Variants in DMD observed in about 807,000 individuals in gnomAD.
DMD encodes the protein dystrophin.
Under a neutral mutation model 330.1 loss-of-function variants are expected in DMD, and 63 were observed. The observed-to-expected ratio is 0.19, with a 90% CI of 0.16 to 0.24. DMD has a LOEUF of 0.24. Ranked by LOEUF, DMD falls within the 10% of genes least tolerant of loss-of-function variation. The pLI, the probability that DMD is intolerant of heterozygous loss-of-function variation, is 1.00. For missense variants in DMD, 3,344 were observed against 2,684.1 expected (o/e 1.25, Z -5.43); for synonymous variants, 1,223 against 959.8 (o/e 1.27, Z -5.07).
At chrX:31,702,636 T>C (rs998446637) in intron 52 of DMD, among the ~76,000 whole-genome samples, 6 of 111,149 alleles carry the variant, frequency 5.4e-5, no homozygotes, top group African/African-American at 2.0e-4. Context: ...GAACACAACC[T>C]TGTCTGTGCA....
intron 2 of DMD, among the ~76,000 whole-genome samples, chrX:32,912,098 G>A (rs1423632726): frequency 9.3e-6 from 1 of 107,971 alleles, no homozygotes; most frequent in Non-Finnish European, 1.9e-5. Flanking sequence ...AAGGAATGGG[G>A]AGGAGGAGGA....
At chrX:32,322,386 T>C (rs973073297) in intron 41 of DMD, among the ~76,000 whole-genome samples, 14 of 110,149 alleles carry the variant, frequency 1.3e-4, no homozygotes, top group African/African-American at 4.3e-4. Flanking sequence ...TAATGACACA[T>C]CATCTCTACA....
At chrX:32,488,345 A>G (rs2042676687) in intron 20 of DMD, among the ~76,000 whole-genome samples, 1 of 111,349 alleles carries the variant, frequency 9.0e-6, no homozygotes, top group African/African-American at 3.3e-5. Flanking sequence ...GAAAGGGTTC[A>G]TGAATTTTTT....
intron 63 of DMD, among the ~76,000 whole-genome samples, chrX:31,246,920 C>T (rs1452212516): frequency 2.8e-5 from 3 of 107,101 alleles, no homozygotes; most frequent in African/African-American, 3.5e-5. Flanking sequence ...AGCAAGACTC[C>T]GTCTTGGAAG....
intron 55 of DMD, among the ~76,000 whole-genome samples, chrX:31,620,414 ATTTTT>A (rs796904162): frequency 1.0e-5 from 1 of 97,650 alleles, no homozygotes; most frequent in Non-Finnish European, 2.1e-5. Context: ...CCATGACATA[ATTTTT>A]TTTTTTTTTT....
At chrX:31,276,867 T>C (rs1298001231) in intron 62 of DMD, among the ~76,000 whole-genome samples, 1 of 111,213 alleles carries the variant, frequency 9.0e-6, no homozygotes, top group East Asian at 2.8e-4. Context: ...GGCCAGAATA[T>C]TTAATGGTGT....
chrX:32,858,033 G>A (rs1400362878), intron 2 of DMD, among the ~76,000 whole-genome samples: 2 of 110,356 alleles, frequency 1.8e-5, no homozygotes, highest in Non-Finnish European at 3.8e-5. Context: ...AACAGTTCCT[G>A]CTATCGTATT....
At chrX:32,205,830 C>CAA (rs1159264322) in intron 44 of DMD, 4 of 252,352 alleles carry the variant, frequency 1.6e-5, no homozygotes, top group Non-Finnish European at 2.9e-5. Flanking sequence ...CACAGCTGTT[C>CAA]TCTTGAGCAG....
intron 1 of DMD, among the ~76,000 whole-genome samples, chrX:33,037,971 C>T (rs970054072): frequency 4.4e-4 from 49 of 112,014 alleles, no homozygotes; most frequent in African/African-American, 1.6e-3. Flanking sequence ...ATGGCACTAT[C>T]AATATATATG....
chrX:32,930,092 A>G (rs1003502842), intron 2 of DMD, among the ~76,000 whole-genome samples: 1 of 111,794 alleles, frequency 8.9e-6, no homozygotes, highest in Non-Finnish European at 1.9e-5. Context: ...AGCCTATCTT[A>G]AACATGCTTA....
chrX:33,270,344 A>T (rs1281918866), intron 1 of DMD, among the ~76,000 whole-genome samples: 1 of 111,111 alleles, frequency 9.0e-6, no homozygotes, highest in Admixed American at 9.6e-5. Flanking sequence ...GGAAAAAAAA[A>T]AATCAGACAA....
intron 1 of DMD, among the ~76,000 whole-genome samples, chrX:33,318,923 C>T (rs191854565): frequency 9.0e-6 from 1 of 111,321 alleles, no homozygotes; most frequent in East Asian, 2.8e-4. Flanking sequence ...TTGTGTTCCT[C>T]CAAAATTTAA....
chrX:32,792,355 T>C (rs1289449934), intron 7 of DMD, among the ~76,000 whole-genome samples: 5 of 110,967 alleles, frequency 4.5e-5, no homozygotes, highest in Non-Finnish European at 7.6e-5. Flanking sequence ...TACTCAAATG[T>C]TACCACTAAA....
In DMD at chrX:32,526,229, C is replaced by A. The variant is rs192800233; in HGVS notation, c.2169-8098G>T. Among the ~76,000 whole-genome samples, 150 of 112,011 alleles carry A rather than the reference C, an allele frequency of 1.3e-3. 2 individuals carry two copies. Among genetic ancestry groups the A allele is most frequent in the Non-Finnish European group, 4.7e-4 (25 of 53,190 alleles). On this transcript the variant is annotated intron_variant, in intron 17 of 78. Coordinates refer to ENST00000357033, the MANE Select transcript of DMD (RefSeq NM_004006.3). ...AAAATAACTTCTCATTCTCTGTTCA[C>A]AAAATGATTATTTCTATAATTATTG... is the stretch of plus-strand genomic sequence containing the variant.
intron 9 of DMD, among the ~76,000 whole-genome samples, chrX:32,653,689 G>A (rs980958927): frequency 3.6e-5 from 4 of 111,708 alleles, no homozygotes; most frequent in African/African-American, 6.5e-5. Flanking sequence ...TTCCAATTCC[G>A]TGTAGAAAGT....
At chrX:32,563,453 C>G (rs372743375) in intron 16 of DMD, among the ~76,000 whole-genome samples, 10 of 109,342 alleles carry the variant, frequency 9.1e-5, no homozygotes, top group African/African-American at 3.3e-4. Flanking sequence ...CAAATGCTTT[C>G]TTGTCTATGC....
intron 44 of DMD, among the ~76,000 whole-genome samples, chrX:32,173,311 T>C (rs193034806): frequency 3.6e-5 from 4 of 110,658 alleles, no homozygotes; most frequent in Non-Finnish European, 7.5e-5. Flanking sequence ...GTGTTTTTAG[T>C]AAAGCAATTA....
intron 52 of DMD, among the ~76,000 whole-genome samples, chrX:31,714,774 A>T (rs943005351): frequency 8.9e-6 from 1 of 112,205 alleles, no homozygotes; most frequent in East Asian, 2.8e-4. Flanking sequence ...ATCAAAATGT[A>T]AACAAAATAT....
At chrX:31,141,709 A>C (rs2036080581) in intron 76 of DMD, among the ~76,000 whole-genome samples, 3 of 111,538 alleles carry the variant, frequency 2.7e-5, no homozygotes, top group Non-Finnish European at 5.6e-5. Context: ...AGATGCTCCA[A>C]AGGTTGATCA....
Sources: allele counts gnomAD v4.1 joint callset (sites outside exome capture counted in the v4.1 genomes callset), GRCh38; gene constraint gnomAD v4.1.1; transcripts MANE v1.5; gene names NCBI Gene and HGNC (gene_info 2026-07-23, HGNC 2026-07-21).